NEK10: variants seen among roughly 807,000 people sequenced by gnomAD.
The protein encoded by NEK10 is serine/threonine-protein kinase Nek10.
A neutral mutation model predicts 159.8 loss-of-function variants in NEK10; 122 were observed. The observed-to-expected ratio is 0.76, with a 90% CI of 0.66 to 0.89. The LOEUF (loss-of-function observed/expected upper bound fraction) is 0.89. NEK10 is among the 40% of genes least tolerant of loss of function. The pLI is 0.00. For synonymous variants in NEK10, 466 were observed against 457.1 expected (o/e 1.02, Z -0.25); for missense variants, 1,342 against 1,323.1 (o/e 1.01, Z -0.22).
chr3:27,351,570 A>G (rs1414714596), intron 3 of NEK10, among the ~76,000 whole-genome samples: 2 of 152,148 alleles, frequency 1.3e-5, no homozygotes, highest in African/African-American at 2.4e-5. Flanking sequence ...CTAAATACGA[A>G]CTATCATTAT....
intron 1 of NEK10, among the ~76,000 whole-genome samples, chr3:27,366,807 ATTTTTTTTTT>A (rs3060370): frequency 9.1e-6 from 1 of 109,534 alleles, no homozygotes. Context: ...CAGTGTGTTC[ATTTTTTTTTT>A]TTTTTTTTTT....
At chr3:27,187,369 T>C (rs1456881456) in intron 26 of NEK10, among the ~76,000 whole-genome samples, 1 of 152,156 alleles carries the variant, frequency 6.6e-6, no homozygotes, top group Non-Finnish European at 1.5e-5. Flanking sequence ...TGACTACTAC[T>C]ACCATTTTCT....
intron 3 of NEK10, among the ~76,000 whole-genome samples, chr3:27,352,128 T>C (rs575655891): frequency 1.0e-3 from 158 of 152,094 alleles, no homozygotes; most frequent in Non-Finnish European, 1.5e-3. Flanking sequence ...GCTTTGAAAA[T>C]AACAATTTCC....
rs148936298 is a variant in NEK10, at chr3:27,284,549, A to G, written c.2014+53T>C. On this transcript the variant is annotated intron_variant, in intron 22 of 35. Coordinates refer to ENST00000691995, the MANE Select transcript of NEK10 (RefSeq NM_001394966.1). ...AAGTTCTACTGGACACTACTACTCTAGGATAGTATTCAGGAATTCTTCAGT... is the reference window on the plus strand; with the variant it reads ...AAGTTCTACTGGACACTACTACTCTGGGATAGTATTCAGGAATTCTTCAGT... 9.1e-4 allele frequency: 917 copies of G among 1,004,698 alleles called. 13 individuals are homozygous for G. The East Asian group carries it at 0.02, about 21-fold the overall frequency. 62.2% of individuals were successfully genotyped at this position (1,004,698 alleles called of 1,614,324 possible).
At position 27,307,855 on chromosome 3, in the gene NEK10, C is replaced by A. The variant is rs899221300; in HGVS notation, c.803+4G>T. On this transcript the variant is annotated splice_donor_region_variant and intron_variant, in intron 11 of 35. Transcript: ENST00000691995. ...TTGTCTTTTTCTACTGTTAGCAATC[C>A]TACCTTTTAGAAAGCAAGTCATATT... is the stretch of plus-strand genomic sequence containing the variant. The A allele has an allele frequency of 2.1e-6, 3 of 1,434,310 alleles. No individual in the cohort carries two copies. Among genetic ancestry groups the A allele is most frequent in the Non-Finnish European group, 2.0e-6 (2 of 1,018,208 alleles). 88.8% of individuals were successfully genotyped at this position (1,434,310 alleles called of 1,614,324 possible).
chr3:27,155,598 C>A (rs1945327913), intron 30 of NEK10, among the ~76,000 whole-genome samples: 3 of 150,314 alleles, frequency 2.0e-5, no homozygotes, highest in Non-Finnish European at 3.0e-5. Context: ...GTTGAAAGAC[C>A]TCTACAAGGA....
intron 12 of NEK10, among the ~76,000 whole-genome samples, chr3:27,303,606 G>T (rs2044002888): frequency 6.6e-6 from 1 of 152,142 alleles, no homozygotes; most frequent in South Asian, 2.1e-4. Flanking sequence ...CATTCATGAA[G>T]CAAGTGGGTT....
intron 32 of NEK10, 27 bp from the exon 33 acceptor site, chr3:27,119,895 C>G: frequency 2.6e-6 from 4 of 1,544,674 alleles, no homozygotes; most frequent in Non-Finnish European, 2.7e-6. Context: ...AAAATCACAT[C>G]TTAGTTTACA....
intron 23 of NEK10, among the ~76,000 whole-genome samples, chr3:27,248,571 G>A (rs1396473710): frequency 6.6e-6 from 1 of 151,900 alleles, no homozygotes; most frequent in Non-Finnish European, 1.5e-5. Flanking sequence ...ATTATTATTT[G>A]TTTCAAAAAT....
At position 27,110,707 on chromosome 3, in the gene NEK10, G is replaced by T. The variant is rs191419851; in HGVS notation, c.*565C>A. The T allele has an allele frequency of 2.0e-5, 3 of 151,716 alleles. No individual in the cohort carries two copies. Among genetic ancestry groups the T allele is most frequent in the African/African-American group, 7.3e-5 (3 of 41,120 alleles). The allele number at this position is 151,716 out of a possible 1,614,324, so 9.4% of individuals were successfully genotyped here. ...ACCACTAGCACCCAAGTGGTTAAGC[G>T]AGAACCAACCCATCCATTAAAAAAA... On this transcript the variant is annotated 3_prime_UTR_variant, in exon 36 of 36. Transcript: ENST00000691995.
At chr3:27,141,388 A>T in intron 31 of NEK10, 94 bp downstream of exon 31, 1 of 897,918 alleles carries the variant, frequency 1.1e-6, no homozygotes, top group Admixed American at 2.3e-5. Context: ...AAGAACAAGA[A>T]TTCAATCTAA....
intron 14 of NEK10, among the ~76,000 whole-genome samples, 188 bp from the exon 15 acceptor site, chr3:27,295,878 CAACTACAATTTTA>C (rs1179444177): frequency 3.9e-5 from 6 of 151,996 alleles, no homozygotes; most frequent in Non-Finnish European, 7.4e-5. Context: ...CCAAAGAGTA[CAACTACAATTTTA>C]AAATTTCAAC....
At chr3:27,115,867 A>G in intron 35 of NEK10, 73 bp downstream of exon 35, 1 of 1,095,298 alleles carries the variant, frequency 9.1e-7, no homozygotes, top group South Asian at 1.4e-5. Context: ...GGAATAAAGG[A>G]TAAAGAAATT....
At chr3:27,197,424 C>A (rs1324312573) in intron 25 of NEK10, among the ~76,000 whole-genome samples, 1 of 152,150 alleles carries the variant, frequency 6.6e-6, no homozygotes, top group East Asian at 1.9e-4. Context: ...GATCTGCCTG[C>A]CTCAGCCTCC....
intron 33 of NEK10, 74 bp from the exon 34 acceptor site, chr3:27,116,201 G>A: frequency 7.5e-7 from 1 of 1,341,522 alleles, no homozygotes. Context: ...TGGCAATTAT[G>A]ACTTCAACCA....
At chr3:27,206,549 A>G in intron 23 of NEK10, 1 of 973,736 alleles carries the variant, frequency 1.0e-6, no homozygotes, top group Non-Finnish European at 1.2e-6. Context: ...TCATTCACTC[A>G]TTCATCTTCT....
chr3:27,307,279 T>G (rs767531907), intron 11 of NEK10, among the ~76,000 whole-genome samples: 15 of 152,204 alleles, frequency 9.9e-5, no homozygotes, highest in Non-Finnish European at 2.1e-4. Flanking sequence ...TTTATCTATT[T>G]TGCCTCTTTA....
intron 33 of NEK10, among the ~76,000 whole-genome samples, chr3:27,118,429 G>A (rs1940806289): frequency 6.6e-6 from 1 of 152,228 alleles, no homozygotes; most frequent in Non-Finnish European, 1.5e-5. Context: ...CCACTTCTCT[G>A]CCAATTCAAA....
chr3:27,276,925 C>T (rs533429574), intron 22 of NEK10, among the ~76,000 whole-genome samples: 7 of 152,268 alleles, frequency 4.6e-5, no homozygotes, highest in Non-Finnish European at 1.0e-4. Flanking sequence ...TCATCTCCAA[C>T]TATAGAGGCT....
Sources: allele counts gnomAD v4.1 joint callset (sites outside exome capture counted in the v4.1 genomes callset), GRCh38; gene constraint gnomAD v4.1.1; transcripts MANE v1.5; gene names NCBI Gene and HGNC (gene_info 2026-07-23, HGNC 2026-07-21).